CSE1L: variants seen among roughly 807,000 people sequenced by gnomAD.
The protein encoded by CSE1L is exportin-2.
A neutral mutation model predicts 120.4 loss-of-function variants in CSE1L; 24 were observed. The observed-to-expected ratio is 0.20, with a 90% CI of 0.14 to 0.28. The LOEUF (loss-of-function observed/expected upper bound fraction) is 0.28, where lower values mean the gene tolerates loss of function less well. Among genes scored for constraint, CSE1L ranks in the 10% least tolerant of loss-of-function variants. The pLI, the probability that CSE1L is intolerant of heterozygous loss-of-function variation, is 1.00. For missense variants in CSE1L, 830 were observed against 1,145.2 expected, an observed-to-expected ratio of 0.72 and a Z score of 3.97; for synonymous variants, 402 against 398.3, an observed-to-expected ratio of 1.01 and a Z score of -0.11.
chr20:49,082,047 A>G (rs1280689447), intron 14 of CSE1L, among the ~76,000 whole-genome samples: 2 of 151,872 alleles, frequency 1.3e-5, no homozygotes, highest in Non-Finnish European at 2.9e-5. Context: ...CGCTTTCACT[A>G]CGCATTTATG....
intron 14 of CSE1L, among the ~76,000 whole-genome samples, chr20:49,080,270 GT>G (rs796381414): frequency 4.0e-4 from 52 of 130,254 alleles, no homozygotes; most frequent in Middle Eastern, 3.9e-3. Context: ...TATTTTTTTT[GT>G]TTTTTTTTTT....
chr20:49,058,199 T>C (rs1465081064), intron 1 of CSE1L, among the ~76,000 whole-genome samples: 4 of 152,174 alleles, frequency 2.6e-5, no homozygotes, highest in African/African-American at 9.7e-5. Context: ...CTTTTTTTTC[T>C]ATGACTATCT....
At chr20:49,076,778 G>A (rs960524838) in intron 12 of CSE1L, among the ~76,000 whole-genome samples, 2 of 151,746 alleles carry the variant, frequency 1.3e-5, no homozygotes, top group African/African-American at 4.8e-5. Context: ...TGATCTACCC[G>A]CCTCGGCCTC....
chr20:49,050,317 C>T (rs879835360), intron 1 of CSE1L, among the ~76,000 whole-genome samples: 9 of 150,486 alleles, frequency 6.0e-5, no homozygotes, highest in Admixed American at 5.3e-4. Flanking sequence ...CTCCCGGGCT[C>T]AAGCAATCCT....
At chr20:49,095,596 T>C (rs962003551) in intron 24 of CSE1L, among the ~76,000 whole-genome samples, 1 of 152,128 alleles carries the variant, frequency 6.6e-6, no homozygotes, top group Non-Finnish European at 1.5e-5. Flanking sequence ...ATTACAAGTG[T>C]GAGCCTGGAC....
chr20:49,054,033 G>A (rs1432615466), intron 1 of CSE1L, among the ~76,000 whole-genome samples: 1 of 152,204 alleles, frequency 6.6e-6, no homozygotes, highest in African/African-American at 2.4e-5. Flanking sequence ...CCAAAGTGGG[G>A]CAGGATATAA....
intron 10 of CSE1L, among the ~76,000 whole-genome samples, chr20:49,072,917 A>G (rs2091943465): frequency 6.6e-6 from 1 of 152,226 alleles, no homozygotes; most frequent in African/African-American, 2.4e-5. Context: ...AAATTCCTTT[A>G]CACTAAGAAG....
chr20:49,094,374 A>G (rs2092124284), intron 23 of CSE1L, 88 bp downstream of exon 23: 2 of 1,300,786 alleles, frequency 1.5e-6, no homozygotes, highest in Non-Finnish European at 1.1e-6. Context: ...CTTGGGGGCC[A>G]AGAGAATCTT....
intron 1 of CSE1L, among the ~76,000 whole-genome samples, chr20:49,047,605 C>G (rs564338285): frequency 4.6e-4 from 32 of 69,090 alleles, no homozygotes; most frequent in Middle Eastern, 0.023. Flanking sequence ...GAGAGAGAGT[C>G]TCGCTCTGCC....
chr20:49,056,158 G>A (rs1448176766), intron 1 of CSE1L, among the ~76,000 whole-genome samples: 2 of 151,608 alleles, frequency 1.3e-5, no homozygotes, highest in African/African-American at 4.9e-5. Flanking sequence ...TGAGGCTGGA[G>A]TGCAGTGGCA....
At chr20:49,047,206 C>T (rs777527203) in intron 1 of CSE1L, among the ~76,000 whole-genome samples, 18 of 152,104 alleles carry the variant, frequency 1.2e-4, no homozygotes, top group Non-Finnish European at 2.2e-4. Context: ...GGCTGGTCAC[C>T]TCATCTCACT....
In CSE1L at chr20:49,058,575, G is replaced by T. The variant is rs139770170; in HGVS notation, c.85+27G>T. On this transcript the variant is annotated intron_variant, in intron 2 of 24. Transcript: ENST00000262982. ...TAAAGAAAATAAACGTTTTTTGGTTGATTAATTCCTTCAGGACAGGTGAGA... is the reference window on the plus strand; with the variant it reads ...TAAAGAAAATAAACGTTTTTTGGTTTATTAATTCCTTCAGGACAGGTGAGA... The T allele has an allele frequency of 3.9e-4, 620 of 1,573,306 alleles. 1 individual carries two copies. In the African/African-American group the frequency reaches 7.6e-3, roughly 19 times the overall value.
At chr20:49,078,815 G>A (rs1208166289) in intron 14 of CSE1L, among the ~76,000 whole-genome samples, 193 bp downstream of exon 14, 1 of 152,046 alleles carries the variant, frequency 6.6e-6, no homozygotes, top group African/African-American at 2.4e-5. Flanking sequence ...TAATAGAATT[G>A]GGATCTAGAT....
intron 12 of CSE1L, among the ~76,000 whole-genome samples, chr20:49,076,210 G>A (rs1220761649): frequency 3.3e-5 from 5 of 149,968 alleles, no homozygotes; most frequent in South Asian, 4.2e-4. Context: ...GTTTTGAGAC[G>A]GAGTTTCGCT....
At chr20:49,061,476 A>AATT (rs769369504) in intron 2 of CSE1L, among the ~76,000 whole-genome samples, 41 of 137,652 alleles carry the variant, frequency 3.0e-4, no homozygotes, top group African/African-American at 1.0e-3. Flanking sequence ...CCGGTGGAAA[A>AATT]ATTATTATTA....
intron 16 of CSE1L, 89 bp downstream of exon 16, chr20:49,085,475 T>C: frequency 1.3e-6 from 1 of 781,980 alleles, no homozygotes; most frequent in Non-Finnish European, 2.1e-6. Context: ...GGTTATACAG[T>C]CTATGAACCA....
At chr20:49,094,405 A>G (rs2092124460) in intron 23 of CSE1L, 119 bp downstream of exon 23, 1 of 956,722 alleles carries the variant, frequency 1.0e-6, no homozygotes, top group Non-Finnish European at 1.6e-6. Context: ...CAGCTTCTCC[A>G]CAATCAGATC....
chr20:49,080,666 G>A (rs1341042512), intron 14 of CSE1L, among the ~76,000 whole-genome samples: 2 of 151,980 alleles, frequency 1.3e-5, no homozygotes, highest in Admixed American at 6.6e-5. Context: ...AGTAGAGACG[G>A]GGTTTCTCCA....
rs566026192 is a variant in CSE1L, at chr20:49,053,096, G to A, written c.-11-5357G>A. Among the ~76,000 whole-genome samples the A allele has an allele frequency of 7.9e-5, 12 of 151,426 alleles. No homozygotes were observed. The East Asian group carries it at 2.3e-3, about 29-fold the overall frequency. On this transcript the variant is annotated intron_variant, in intron 1 of 24. Coordinates refer to ENST00000262982, the MANE Select transcript of CSE1L (RefSeq NM_001316.4). ...AGGCTGAGGCAGGAGGATTGTTTGA[G>A]CTCAGGAGTTAGAATCCAATCTGGA...
Sources: allele counts gnomAD v4.1 joint callset (sites outside exome capture counted in the v4.1 genomes callset), GRCh38; gene constraint gnomAD v4.1.1; transcripts MANE v1.5; gene names NCBI Gene and HGNC (gene_info 2026-07-23, HGNC 2026-07-21).